The following GRIN2A variants were observed in gnomAD, a reference collection of about 807,000 sequenced individuals.
GRIN2A encodes glutamate ionotropic receptor NMDA type subunit 2A.
GRIN2A carries 22 observed loss-of-function variants against 113.4 expected under a neutral mutation model. The observed-to-expected ratio is 0.19, with a 90% CI of 0.14 to 0.28. The LOEUF (loss-of-function observed/expected upper bound fraction) is 0.28, where lower values mean the gene tolerates loss of function less well. Ranked by LOEUF, GRIN2A falls within the 10% of genes least tolerant of loss-of-function variation. The pLI, the probability that GRIN2A is intolerant of heterozygous loss-of-function variation, is 1.00. For synonymous variants in GRIN2A, 827 were observed against 738.4 expected (o/e 1.12, Z -1.94); for missense variants, 1,502 against 1,887.0 (o/e 0.80, Z 3.78).
chr16:10,075,899 T>G (rs60864732), intron 2 of GRIN2A, among the ~76,000 whole-genome samples: 21,189 of 152,054 alleles, frequency 0.14, 1,974 homozygotes, highest in African/African-American at 0.27. Context: ...CAACTAGTGT[T>G]TATAACTCTG....
rs1900611355 is a variant in GRIN2A at position 9,762,128 on chromosome 16, T to C, written c.*1021A>G. The C allele has an allele frequency of 4.7e-6, 1 of 212,272 alleles. No individual in the cohort carries two copies. Among genetic ancestry groups the C allele is most frequent in the African/African-American group, 2.3e-5 (1 of 44,162 alleles). 13.1% of individuals were successfully genotyped at this position (212,272 alleles called of 1,614,324 possible). On this transcript the variant is annotated 3_prime_UTR_variant, in exon 13 of 13. Coordinates refer to ENST00000330684, the MANE Select transcript of GRIN2A (RefSeq NM_001134407.3). ...CGGCTGTTGGTGCATGTCACCACATTAACAACTCTGGGAAGAGCGATACAC... is the reference window on the plus strand; with the variant it reads ...CGGCTGTTGGTGCATGTCACCACATCAACAACTCTGGGAAGAGCGATACAC...
At chr16:10,039,260 C>G (rs1209870944) in intron 2 of GRIN2A, among the ~76,000 whole-genome samples, 1 of 152,098 alleles carries the variant, frequency 6.6e-6, no homozygotes, top group East Asian at 1.9e-4. Flanking sequence ...CTGCATCTAG[C>G]GTGTTTTCTC....
At chr16:10,130,518 G>C (rs1009138834) in intron 2 of GRIN2A, among the ~76,000 whole-genome samples, 9 of 152,288 alleles carry the variant, frequency 5.9e-5, no homozygotes, top group Middle Eastern at 3.4e-3. Context: ...TCCGGACACA[G>C]ACCCATCTTC....
At chr16:9,898,526 T>C (rs1335644811) in intron 3 of GRIN2A, among the ~76,000 whole-genome samples, 4 of 152,228 alleles carry the variant, frequency 2.6e-5, no homozygotes. Flanking sequence ...TATTTCCCCC[T>C]TAGACTTTAA....
chr16:10,004,838 T>G (rs1246642543), intron 2 of GRIN2A, among the ~76,000 whole-genome samples: 2 of 152,190 alleles, frequency 1.3e-5, no homozygotes, highest in Non-Finnish European at 2.9e-5. Flanking sequence ...GCCCCTTTTG[T>G]CATGTAAGGT....
chr16:10,120,141 T>A lies in GRIN2A; in HGVS notation c.414+59857A>T, dbSNP rs117180915. 6.4e-3 allele frequency among the ~76,000 whole-genome samples: 970 copies of A among 152,322 alleles called. 3 individuals are homozygous for A. The highest frequency in any genetic ancestry group is 0.014 in the Middle Eastern group (4 of 294). On this transcript the variant is annotated intron_variant, in intron 2 of 12. Coordinates refer to ENST00000330684, the MANE Select transcript of GRIN2A (RefSeq NM_001134407.3). ...GATTGATAATTCTGTTTTAAGTTCT[T>A]TTAGGAATCATCACACTGCTTTCCA...
At chr16:10,105,953 C>CAT (rs2048492561) in intron 2 of GRIN2A, among the ~76,000 whole-genome samples, 1 of 140,384 alleles carries the variant, frequency 7.1e-6, no homozygotes, top group Admixed American at 7.0e-5. Context: ...TATGCATAAA[C>CAT]ATATATATGC....
intron 2 of GRIN2A, among the ~76,000 whole-genome samples, chr16:10,007,920 A>G (rs1343527617): frequency 6.6e-6 from 1 of 152,184 alleles, no homozygotes; most frequent in Non-Finnish European, 1.5e-5. Flanking sequence ...TATCTTTAAA[A>G]AAGCTTACTC....
At chr16:10,146,638 G>C (rs766358073) in intron 2 of GRIN2A, among the ~76,000 whole-genome samples, 2 of 151,920 alleles carry the variant, frequency 1.3e-5, no homozygotes, top group Non-Finnish European at 2.9e-5. Context: ...TATTATTATT[G>C]TTATGACTCT....
chr16:9,941,761 G>T (rs939949894), intron 2 of GRIN2A, among the ~76,000 whole-genome samples: 4 of 152,138 alleles, frequency 2.6e-5, no homozygotes, highest in Admixed American at 1.3e-4. Context: ...TAGTAAACAT[G>T]CTAGAAATAC....
At chr16:9,823,748 TA>T in intron 9 of GRIN2A, among the ~76,000 whole-genome samples, 1 of 152,282 alleles carries the variant, frequency 6.6e-6, no homozygotes, top group South Asian at 2.1e-4. Flanking sequence ...GTGATCTATT[TA>T]AGATTATGCA....
At chr16:9,765,855 A>C (rs529546650) in intron 12 of GRIN2A, among the ~76,000 whole-genome samples, 14 of 152,314 alleles carry the variant, frequency 9.2e-5, no homozygotes, top group Non-Finnish European at 1.5e-4. Flanking sequence ...CCATCCAGGG[A>C]ACTGAATGAC....
rs888244132 is a variant in GRIN2A at position 9,762,655 on chromosome 16, C to A, written c.*494G>T. The A allele has an allele frequency of 8.0e-6, 2 of 249,062 alleles. No homozygotes were observed. The highest frequency in any genetic ancestry group is 1.6e-5 in the Non-Finnish European group (2 of 127,228). The allele number at this position is 249,062 out of a possible 1,614,324, so 15.4% of individuals were successfully genotyped here. A position where few individuals can be genotyped will look rare whatever the true frequency, so the allele number is the denominator to read the frequency against. On this transcript the variant is annotated 3_prime_UTR_variant, in exon 13 of 13. Coordinates refer to ENST00000330684, the MANE Select transcript of GRIN2A (RefSeq NM_001134407.3). ...AAACTTCCTAATCTCTTGCACATGTCAATCGCACTACAGTGCAGATGCATT... is the reference window on the plus strand; with the variant it reads ...AAACTTCCTAATCTCTTGCACATGTAAATCGCACTACAGTGCAGATGCATT...
intron 11 of GRIN2A, among the ~76,000 whole-genome samples, chr16:9,779,981 A>G (rs996934537): frequency 1.3e-5 from 2 of 152,246 alleles, no homozygotes; most frequent in Admixed American, 1.3e-4. Flanking sequence ...AACCAAGGTC[A>G]CAAAATAAGG....
In GRIN2A at chr16:9,990,563, GCACACACACACACACA is replaced by G. The variant is rs71157799; in HGVS notation, c.415-52028_415-52013del. 1.7e-3 allele frequency among the ~76,000 whole-genome samples: 206 copies of G among 124,474 alleles called. 1 individual carries two copies. The highest frequency in any genetic ancestry group is 6.1e-3 in the African/African-American group (193 of 31,872). The allele number at this position is 124,474 out of a possible 152,430, so 81.7% of individuals were successfully genotyped here. On this transcript the variant is annotated intron_variant, in intron 2 of 12. Transcript: ENST00000330684. ...TCTCTACACGCGCGCGCGCGCGCGC[GCACACACACACACACA>G]CACACACACACACACACACGGTTGA...
Position 9,842,300 on chromosome 16 carries a change from C to G in GRIN2A, c.1329-1196G>C, listed in dbSNP as rs1304077611. On this transcript the variant is annotated intron_variant, in intron 5 of 12. Transcript: ENST00000330684. ...GAAAGAAAGGAAACACTGGTCTATC[C>G]AACGGATAGCAAAAAGTACTTAGAC... Among the ~76,000 whole-genome samples the G allele has an allele frequency of 2.6e-5, 4 of 152,058 alleles. No individual in the cohort carries two copies. The East Asian group carries it at 7.7e-4, about 29-fold the overall frequency.
At chr16:9,980,277 A>G (rs1343650432) in intron 2 of GRIN2A, among the ~76,000 whole-genome samples, 1 of 152,046 alleles carries the variant, frequency 6.6e-6, no homozygotes, top group African/African-American at 2.4e-5. Flanking sequence ...AAAAAAAAAA[A>G]AAGAGAGTGA....
At chr16:10,079,269 A>G (rs1394432929) in intron 2 of GRIN2A, among the ~76,000 whole-genome samples, 1 of 152,248 alleles carries the variant, frequency 6.6e-6, no homozygotes, top group East Asian at 1.9e-4. Context: ...AGGCTGTGAA[A>G]GAAATAAAGT....
intron 2 of GRIN2A, among the ~76,000 whole-genome samples, chr16:10,044,669 A>C (rs2047228222): frequency 6.7e-6 from 1 of 150,076 alleles, no homozygotes; most frequent in South Asian, 2.2e-4. Flanking sequence ...TGCTCAATAA[A>C]TGTTATGAAA....
Sources: gnomAD v4.1 joint callset for allele counts (sites outside exome capture counted in the v4.1 genomes callset) on GRCh38, gnomAD v4.1.1 for gene constraint, MANE v1.5 for transcripts, NCBI Gene and HGNC (gene_info 2026-07-23, HGNC 2026-07-21) for gene names.